MEOX2: variants seen among roughly 807,000 people sequenced by gnomAD.
MEOX2 encodes mesenchyme homeobox 2.
A neutral mutation model predicts 27.0 loss-of-function variants in MEOX2; 11 were observed. The ratio of observed to expected loss-of-function variants is 0.41; its 90% CI spans 0.26 to 0.68. The LOEUF (loss-of-function observed/expected upper bound fraction) is 0.68. Ranked by LOEUF, MEOX2 falls within the 30% of genes least tolerant of loss-of-function variation. MEOX2 has a pLI of 0.33. For synonymous variants in MEOX2, 189 were observed against 155.4 expected, an observed-to-expected ratio of 1.22 and a Z score of -1.61; for missense variants, 436 against 385.4, an observed-to-expected ratio of 1.13 and a Z score of -1.10.
rs569231035 is a variant in MEOX2 at position 15,670,265 on chromosome 7, T to C, written c.517+15621A>G. 2.2e-4 allele frequency among the ~76,000 whole-genome samples: 33 copies of C among 152,368 alleles called. No individual in the cohort carries two copies. In the South Asian group the frequency reaches 3.9e-3, roughly 18 times the overall value. Reference sequence around the variant, plus strand: ...TGTCCTCTTCAAAACAATGAATGCATTTTATTTTCATAAATATTTGGTTGA... The same window carrying C: ...TGTCCTCTTCAAAACAATGAATGCACTTTATTTTCATAAATATTTGGTTGA... On this transcript the variant is annotated intron_variant, in intron 1 of 2. Transcript: ENST00000262041.
At chr7:15,675,097 T>A (rs945866724) in intron 1 of MEOX2, among the ~76,000 whole-genome samples, 5 of 152,154 alleles carry the variant, frequency 3.3e-5, no homozygotes, top group African/African-American at 1.2e-4. Flanking sequence ...AAATGTTAAA[T>A]TTTTAAACAA....
At chr7:15,632,803 G>C (rs1029057058) in intron 1 of MEOX2, among the ~76,000 whole-genome samples, 2 of 151,860 alleles carry the variant, frequency 1.3e-5, no homozygotes, top group Non-Finnish European at 2.9e-5. Flanking sequence ...AGAGTTTACA[G>C]AGCCCAGAAT....
intron 1 of MEOX2, among the ~76,000 whole-genome samples, chr7:15,636,069 T>C (rs1374653219): frequency 6.6e-6 from 1 of 152,010 alleles, no homozygotes; most frequent in Non-Finnish European, 1.5e-5. Context: ...TGTAGGAAGA[T>C]AGGAGTCACA....
At chr7:15,650,843 A>G (rs1407279637) in intron 1 of MEOX2, among the ~76,000 whole-genome samples, 2 of 152,220 alleles carry the variant, frequency 1.3e-5, no homozygotes, top group Non-Finnish European at 1.5e-5. Flanking sequence ...CAAGAAGACA[A>G]CAGAGGCACT....
chr7:15,648,793 A>G (rs1781689267), intron 1 of MEOX2, among the ~76,000 whole-genome samples: 1 of 152,096 alleles, frequency 6.6e-6, no homozygotes, highest in African/African-American at 2.4e-5. Context: ...TTCTTTGTTT[A>G]GAACCTTGTA....
At chr7:15,657,696 T>C (rs1014713404) in intron 1 of MEOX2, among the ~76,000 whole-genome samples, 4 of 152,258 alleles carry the variant, frequency 2.6e-5, no homozygotes, top group African/African-American at 9.6e-5. Context: ...CTAACTTCTC[T>C]ATTATCTCAA....
chr7:15,640,461 T>A (rs192814650), intron 1 of MEOX2, among the ~76,000 whole-genome samples: 3 of 152,180 alleles, frequency 2.0e-5, no homozygotes, highest in African/African-American at 7.2e-5. Context: ...TATAAGATCA[T>A]GACATCAGTA....
At chr7:15,650,912 T>G (rs1352187504) in intron 1 of MEOX2, among the ~76,000 whole-genome samples, 1 of 151,956 alleles carries the variant, frequency 6.6e-6, no homozygotes, top group African/African-American at 2.4e-5. Context: ...GAATCAGGAC[T>G]TGGAAACAGA....
intron 1 of MEOX2, among the ~76,000 whole-genome samples, chr7:15,638,278 T>C (rs939268208): frequency 1.3e-5 from 2 of 152,164 alleles, no homozygotes; most frequent in Non-Finnish European, 2.9e-5. Context: ...TTTTATAGCT[T>C]TGCTGCTAAA....
intron 1 of MEOX2, among the ~76,000 whole-genome samples, chr7:15,658,425 T>C (rs984534154): frequency 1.3e-5 from 2 of 152,218 alleles, no homozygotes; most frequent in Non-Finnish European, 2.9e-5. Context: ...GGCTCCTCCT[T>C]TCCTGGATCT....
chr7:15,682,708 T>G (rs895715376), intron 1 of MEOX2, among the ~76,000 whole-genome samples: 3 of 151,946 alleles, frequency 2.0e-5, no homozygotes, highest in African/African-American at 7.2e-5. Context: ...ACTACTAGAT[T>G]GCTCAAAGAG....
intron 1 of MEOX2, among the ~76,000 whole-genome samples, chr7:15,648,635 T>C (rs934197035): frequency 3.3e-5 from 5 of 152,062 alleles, no homozygotes; most frequent in African/African-American, 9.7e-5. Context: ...CCTGAGACAA[T>C]AGTTTATTTT....
intron 2 of MEOX2, 29 bp from the exon 3 acceptor site, chr7:15,612,640 A>G (rs1452452932): frequency 6.3e-7 from 1 of 1,583,992 alleles, no homozygotes; most frequent in Non-Finnish European, 8.7e-7. Flanking sequence ...ACAAACAAAC[A>G]GAAAAAAAGA....
At chr7:15,618,649 A>G (rs1781163640) in intron 2 of MEOX2, among the ~76,000 whole-genome samples, 3 of 151,978 alleles carry the variant, frequency 2.0e-5, no homozygotes, top group Admixed American at 6.6e-5. Context: ...CTGAAATATT[A>G]CTATGATTCA....
At chr7:15,642,168 T>C (rs79911752) in intron 1 of MEOX2, among the ~76,000 whole-genome samples, 49 of 152,316 alleles carry the variant, frequency 3.2e-4, no homozygotes, top group African/African-American at 1.2e-3. Flanking sequence ...CTAGCAATAT[T>C]AGGGAAATTT....
chr7:15,656,939 C>G (rs566005707), intron 1 of MEOX2, among the ~76,000 whole-genome samples: 2 of 151,944 alleles, frequency 1.3e-5, no homozygotes, highest in Non-Finnish European at 2.9e-5. Flanking sequence ...CCCTGTCATT[C>G]CTGAGAATAT....
chr7:15,657,127 T>C lies in MEOX2; in HGVS notation c.517+28759A>G, dbSNP rs773355206. Reference sequence around the variant, plus strand: ...TTTAGACTTAATTTTATTTTCTTTGTCTTTAGTTTTCAGAAGTTTGACTGT... The same window carrying C: ...TTTAGACTTAATTTTATTTTCTTTGCCTTTAGTTTTCAGAAGTTTGACTGT... On this transcript the variant is annotated intron_variant, in intron 1 of 2. Transcript: ENST00000262041. 6.6e-4 allele frequency among the ~76,000 whole-genome samples: 101 copies of C among 152,322 alleles called. 1 individual carries two copies. The highest frequency in any genetic ancestry group is 1.2e-3 in the Non-Finnish European group (81 of 68,004).
chr7:15,664,322 G>C (rs973739076), intron 1 of MEOX2, among the ~76,000 whole-genome samples: 7 of 151,958 alleles, frequency 4.6e-5, no homozygotes, highest in African/African-American at 1.2e-4. Context: ...GTGGCATTTG[G>C]CTTCTCTTTT....
chr7:15,634,336 G>A (rs1781450287), intron 1 of MEOX2, among the ~76,000 whole-genome samples: 1 of 151,830 alleles, frequency 6.6e-6, no homozygotes, highest in African/African-American at 2.4e-5. Context: ...GAACATCCCT[G>A]GCTTCTACTC....
Sources: gnomAD v4.1 joint callset for allele counts (sites outside exome capture counted in the v4.1 genomes callset) on GRCh38, gnomAD v4.1.1 for gene constraint, MANE v1.5 for transcripts, NCBI Gene and HGNC (gene_info 2026-07-23, HGNC 2026-07-21) for gene names.